DGKB: variants seen among roughly 807,000 people sequenced by gnomAD.
The protein encoded by DGKB is 90 kDa diacylglycerol kinase.
In DGKB, 67 loss-of-function variants were observed where a neutral mutation model predicts 114.3. The observed-to-expected ratio is 0.59, with a 90% CI of 0.48 to 0.72. DGKB has a LOEUF of 0.72. DGKB is among the 30% of genes least tolerant of loss of function. The pLI, the probability that DGKB is intolerant of heterozygous loss-of-function variation, is 0.00. For synonymous variants in DGKB, 398 were observed against 323.1 expected, an observed-to-expected ratio of 1.23 and a Z score of -2.49; for missense variants, 907 against 975.2, an observed-to-expected ratio of 0.93 and a Z score of 0.93.
chr7:14,491,675 T>C lies in DGKB; in HGVS notation c.1771-13450A>G, dbSNP rs574451542. On this transcript the variant is annotated intron_variant, in intron 20 of 25. Transcript: ENST00000402815. ...GTCCATAATTCTATTCTTAACATAA[T>C]GGTAGGTTTTATTTAATTAACGATT... 3.9e-5 allele frequency among the ~76,000 whole-genome samples: 6 copies of C among 152,248 alleles called. 1 individual carries two copies. In the East Asian group the frequency reaches 1.2e-3, roughly 29 times the overall value.
chr7:14,548,370 C>A (rs951029833), intron 20 of DGKB, among the ~76,000 whole-genome samples: 1 of 152,090 alleles, frequency 6.6e-6, no homozygotes, highest in South Asian at 2.1e-4. Context: ...ACAGTTAATA[C>A]GGAGTGCCCC....
At chr7:14,269,059 A>T (rs184220185) in intron 23 of DGKB, 1 of 152,254 alleles carries the variant, frequency 6.6e-6, no homozygotes, top group African/African-American at 2.4e-5. Flanking sequence ...TGATTCCATG[A>T]TGGCTCATTT....
intron 21 of DGKB, among the ~76,000 whole-genome samples, chr7:14,389,177 T>C (rs980471526): frequency 5.3e-5 from 8 of 152,204 alleles, no homozygotes; most frequent in Middle Eastern, 3.2e-3. Context: ...GTCTGCTTTA[T>C]TCCTTTGTTG....
chr7:14,936,117 T>A (rs181206378), intron 1 of DGKB, among the ~76,000 whole-genome samples: 28 of 152,250 alleles, frequency 1.8e-4, no homozygotes, highest in African/African-American at 6.3e-4. Context: ...CTCTGTAGGT[T>A]TTTAACATGG....
At chr7:14,568,863 G>C (rs1026258635) in intron 20 of DGKB, among the ~76,000 whole-genome samples, 1 of 152,146 alleles carries the variant, frequency 6.6e-6, no homozygotes, top group Non-Finnish European at 1.5e-5. Flanking sequence ...ACAATACTGA[G>C]ATTAGAATCA....
intron 1 of DGKB, among the ~76,000 whole-genome samples, chr7:14,910,084 T>A (rs1006672654): frequency 1.3e-5 from 2 of 151,878 alleles, no homozygotes; most frequent in African/African-American, 2.4e-5. Context: ...GGTTCATGCC[T>A]GTAGTCTCAA....
At chr7:14,662,419 A>C (rs1267606702) in intron 13 of DGKB, among the ~76,000 whole-genome samples, 1 of 151,980 alleles carries the variant, frequency 6.6e-6, no homozygotes, top group Non-Finnish European at 1.5e-5. Context: ...GAAAGAATTA[A>C]ACAACCATAA....
At chr7:14,492,897 C>T (rs1373629600) in intron 20 of DGKB, among the ~76,000 whole-genome samples, 1 of 152,052 alleles carries the variant, frequency 6.6e-6, no homozygotes, top group Non-Finnish European at 1.5e-5. Context: ...TGTTTGTAGG[C>T]TGTCATAAAT....
At chr7:14,420,493 C>A (rs934807389) in intron 21 of DGKB, among the ~76,000 whole-genome samples, 2 of 151,948 alleles carry the variant, frequency 1.3e-5, no homozygotes, top group Non-Finnish European at 2.9e-5. Context: ...GGAGCAGTAT[C>A]TATCCTATTT....
intron 2 of DGKB, among the ~76,000 whole-genome samples, chr7:14,775,523 T>G (rs1469015739): frequency 2.0e-5 from 3 of 150,780 alleles, no homozygotes; most frequent in Non-Finnish European, 4.4e-5. Flanking sequence ...AATCTCCACA[T>G]GTTGTGGGAG....
intron 21 of DGKB, among the ~76,000 whole-genome samples, chr7:14,464,869 C>G (rs1584146126): frequency 6.6e-6 from 1 of 152,074 alleles, no homozygotes; most frequent in Non-Finnish European, 1.5e-5. Flanking sequence ...TTCCTGTGTA[C>G]ACAAGAACCT....
intron 1 of DGKB, among the ~76,000 whole-genome samples, chr7:14,883,589 G>T (rs1180957635): frequency 6.6e-6 from 1 of 151,988 alleles, no homozygotes; most frequent in Non-Finnish European, 1.5e-5. Flanking sequence ...ATAGCTGCAA[G>T]CTGGAGTGTA....
rs138160387 is a variant in DGKB at position 14,183,948 on chromosome 7, A to AC, written c.2123-5798dup. On this transcript the variant is annotated intron_variant, in intron 23 of 25. Coordinates refer to ENST00000402815, the MANE Select transcript of DGKB (RefSeq NM_001350709.2). ...GGACTGCTCCTGCGGAGCCTGGGAG[A>AC]CCCCCCAAATACTGAGTGCCCAACT... Among the ~76,000 whole-genome samples the AC allele has an allele frequency of 6.1e-3, 926 of 152,060 alleles. 5 individuals carry two copies. The highest frequency in any genetic ancestry group is 0.021 in the African/African-American group (880 of 41,460).
chr7:14,715,800 A>C (rs961418478), intron 6 of DGKB, among the ~76,000 whole-genome samples: 1 of 152,204 alleles, frequency 6.6e-6, no homozygotes, highest in Non-Finnish European at 1.5e-5. Context: ...ATTGATAAGC[A>C]AAAAGTGGTT....
chr7:14,485,099 CACACACACA>C, intron 20 of DGKB, among the ~76,000 whole-genome samples: 1 of 1,178 alleles, frequency 8.5e-4, no homozygotes, highest in East Asian at 3.9e-3. Context: ...ACACACACCA[CACACACACA>C]CACACACACA....
At position 14,176,964 on chromosome 7, in the gene DGKB, G is replaced by A; in HGVS notation, c.2244-65C>T. On this transcript the variant is annotated intron_variant, in intron 24 of 25. Transcript: ENST00000402815. ...ACTTTATATTACAGACTATATGTGA[G>A]ATATAAGATGATGAGACCAGGGAAG... The A allele has an allele frequency of 1.9e-6, 3 of 1,588,486 alleles. No individual in the cohort carries two copies. The South Asian group carries it at 3.3e-5, about 18-fold the overall frequency.
At chr7:14,536,840 G>A (rs1315353032) in intron 20 of DGKB, among the ~76,000 whole-genome samples, 7 of 147,014 alleles carry the variant, frequency 4.8e-5, no homozygotes, top group South Asian at 2.1e-4. Flanking sequence ...ATTAAGAAAG[G>A]AAAAAAACAA....
intron 2 of DGKB, among the ~76,000 whole-genome samples, chr7:14,829,791 A>G (rs554578919): frequency 6.6e-6 from 1 of 152,262 alleles, no homozygotes; most frequent in South Asian, 2.1e-4. Flanking sequence ...TTCACTAGAA[A>G]GCAGCTTTGG....
chr7:14,628,973 C>A (rs1283284588), intron 14 of DGKB, among the ~76,000 whole-genome samples: 2 of 151,980 alleles, frequency 1.3e-5, no homozygotes, highest in Non-Finnish European at 2.9e-5. Context: ...AAATTTGGAT[C>A]TATTTACTCA....
Sources: allele counts gnomAD v4.1 joint callset (sites outside exome capture counted in the v4.1 genomes callset), GRCh38; gene constraint gnomAD v4.1.1; transcripts MANE v1.5; gene names NCBI Gene and HGNC (gene_info 2026-07-23, HGNC 2026-07-21).